Variants in NRG1 observed in about 807,000 individuals in gnomAD.
NRG1 encodes neuregulin 1.
NRG1 carries 18 observed loss-of-function variants against 63.8 expected under a neutral mutation model. The observed-to-expected ratio is 0.28, with a 90% CI of 0.19 to 0.42. The LOEUF (loss-of-function observed/expected upper bound fraction) is 0.42, where lower values mean the gene tolerates loss of function less well. NRG1 is among the 10% of genes least tolerant of loss of function. The pLI is 1.00. For missense variants in NRG1, 762 were observed against 814.7 expected (o/e 0.94, Z 0.79); for synonymous variants, 302 against 301.3 (o/e 1.00, Z -0.02).
chr8:32,093,345 A>G (rs1385046954), intron 1 of NRG1, among the ~76,000 whole-genome samples: 3 of 152,234 alleles, frequency 2.0e-5, no homozygotes, highest in African/African-American at 2.4e-5. Flanking sequence ...AGCAACAAGT[A>G]TAAGGCCTAT....
At chr8:31,767,860 A>C (rs889537079) in intron 1 of NRG1, among the ~76,000 whole-genome samples, 7 of 151,916 alleles carry the variant, frequency 4.6e-5, no homozygotes, top group South Asian at 2.1e-4. Context: ...AAAAAAAAAA[A>C]AAAAAACTTA....
chr8:32,083,242 C>T (rs1466301587), intron 1 of NRG1, among the ~76,000 whole-genome samples: 2 of 152,152 alleles, frequency 1.3e-5, no homozygotes, highest in African/African-American at 4.8e-5. Flanking sequence ...GGTTAGGAAA[C>T]AGAAAATTCC....
At chr8:31,922,657 G>A (rs1034646824) in intron 1 of NRG1, among the ~76,000 whole-genome samples, 1 of 152,154 alleles carries the variant, frequency 6.6e-6, no homozygotes, top group Non-Finnish European at 1.5e-5. Flanking sequence ...GTGCTTTTAG[G>A]CAGGTAGTTA....
intron 1 of NRG1, among the ~76,000 whole-genome samples, chr8:32,533,817 T>G (rs996641209): frequency 1.3e-5 from 2 of 152,134 alleles, no homozygotes; most frequent in Admixed American, 6.5e-5. Context: ...TAAGTTTAAA[T>G]GCATTGAATG....
intron 1 of NRG1, among the ~76,000 whole-genome samples, chr8:31,648,398 C>G (rs761450972): frequency 3.9e-5 from 6 of 152,082 alleles, no homozygotes; most frequent in Non-Finnish European, 8.8e-5. Context: ...TCCCAAAGTG[C>G]TGGGATTACA....
chr8:32,374,784 T>A (rs1027898104), intron 1 of NRG1, among the ~76,000 whole-genome samples: 2 of 152,116 alleles, frequency 1.3e-5, no homozygotes, highest in African/African-American at 2.4e-5. Flanking sequence ...TCATAAGCTA[T>A]AATTTAAAGT....
At chr8:32,040,993 T>C (rs549203775) in intron 1 of NRG1, among the ~76,000 whole-genome samples, 13 of 151,774 alleles carry the variant, frequency 8.6e-5, no homozygotes, top group Non-Finnish European at 1.8e-4. Context: ...TTATATTATT[T>C]TGGTATCTAC....
At chr8:32,740,705 G>A (rs146898596) in intron 6 of NRG1, among the ~76,000 whole-genome samples, 7 of 152,252 alleles carry the variant, frequency 4.6e-5, no homozygotes, top group East Asian at 1.9e-4. Context: ...ATTTTATCGC[G>A]CAGGCTATTT....
intron 1 of NRG1, among the ~76,000 whole-genome samples, chr8:32,118,563 A>G (rs1413348470): frequency 1.3e-5 from 2 of 152,160 alleles, no homozygotes; most frequent in Non-Finnish European, 2.9e-5. Flanking sequence ...ATAGCAATAC[A>G]AATGGACGAA....
intron 1 of NRG1, among the ~76,000 whole-genome samples, chr8:32,375,215 C>T (rs993545562): frequency 7.2e-5 from 11 of 152,046 alleles, no homozygotes; most frequent in Middle Eastern, 3.4e-3. Context: ...TGAGATCAAG[C>T]AATCCCCCCA....
intron 1 of NRG1, among the ~76,000 whole-genome samples, chr8:31,742,700 A>C (rs1266875871): frequency 1.3e-5 from 2 of 151,938 alleles, no homozygotes; most frequent in South Asian, 2.1e-4. Flanking sequence ...GAGATTACCT[A>C]TAAGTAGCAG....
At chr8:32,315,331 CT>C (rs1265775652) in intron 1 of NRG1, among the ~76,000 whole-genome samples, 1 of 152,158 alleles carries the variant, frequency 6.6e-6, no homozygotes, top group Admixed American at 6.5e-5. Context: ...TGAGAACATG[CT>C]GAGTTTGGTT....
intron 1 of NRG1, among the ~76,000 whole-genome samples, chr8:32,287,726 T>C (rs1273408812): frequency 6.6e-6 from 1 of 152,178 alleles, no homozygotes; most frequent in Non-Finnish European, 1.5e-5. Context: ...GAAAAGAAAT[T>C]TTTTGTCTAA....
chr8:32,642,137 A>G (rs1351738920), intron 5 of NRG1, among the ~76,000 whole-genome samples: 3 of 152,206 alleles, frequency 2.0e-5, no homozygotes, highest in African/African-American at 7.2e-5. Context: ...AAAGACTTGA[A>G]AAAATGGAGA....
At chr8:31,717,794 G>A (rs1218211361) in intron 1 of NRG1, among the ~76,000 whole-genome samples, 1 of 151,976 alleles carries the variant, frequency 6.6e-6, no homozygotes, top group Non-Finnish European at 1.5e-5. Flanking sequence ...AAAATAAGTG[G>A]CATTTTTGTT....
At chr8:32,298,972 A>C (rs1334559026) in intron 1 of NRG1, among the ~76,000 whole-genome samples, 27 of 143,042 alleles carry the variant, frequency 1.9e-4, no homozygotes, top group African/African-American at 7.0e-4. Flanking sequence ...GGTTGCAGTG[A>C]GCCAAGATGG....
intron 5 of NRG1, among the ~76,000 whole-genome samples, chr8:32,618,173 G>A (rs2466060): frequency 0.51 from 76,669 of 151,600 alleles, 19,756 homozygotes; most frequent in Middle Eastern, 0.62. Flanking sequence ...TGGATTTTAT[G>A]TAGCTAGCAT....
At chr8:32,281,414 G>A (rs2129473313) in intron 1 of NRG1, among the ~76,000 whole-genome samples, 1 of 151,810 alleles carries the variant, frequency 6.6e-6, no homozygotes. Context: ...CTGACCTCAG[G>A]TGATCTGCCT....
At chr8:32,416,617 G>A (rs1176827455) in intron 1 of NRG1, among the ~76,000 whole-genome samples, 1 of 152,070 alleles carries the variant, frequency 6.6e-6, no homozygotes, top group African/African-American at 2.4e-5. Flanking sequence ...CTAGGGTTAG[G>A]GTTTAACTGT....
Sources: allele counts gnomAD v4.1 joint callset (sites outside exome capture counted in the v4.1 genomes callset), GRCh38; gene constraint gnomAD v4.1.1; transcripts MANE v1.5; gene names NCBI Gene and HGNC (gene_info 2026-07-23, HGNC 2026-07-21).